ZNF354B: variants seen among roughly 807,000 people sequenced by gnomAD.
ZNF354B encodes the protein zinc finger protein 354B.
A neutral mutation model predicts 12.9 loss-of-function variants in ZNF354B; 10 were observed. That is an observed-to-expected ratio of 0.77 (90% CI 0.48 to 1.31). The LOEUF (loss-of-function observed/expected upper bound fraction) is 1.31. ZNF354B is among the 40% of genes most tolerant of loss of function. The pLI is 0.00. For synonymous variants in ZNF354B, 260 were observed against 243.7 expected, an observed-to-expected ratio of 1.07 and a Z score of -0.62; for missense variants, 614 against 711.7, an observed-to-expected ratio of 0.86 and a Z score of 1.56.
intron 2 of ZNF354B, among the ~76,000 whole-genome samples, chr5:178,862,498 C>T (rs1006509475): frequency 5.3e-5 from 8 of 151,614 alleles, no homozygotes; most frequent in African/African-American, 1.9e-4. Flanking sequence ...TCCTGAGTAG[C>T]TAGGACTACA....
intron 2 of ZNF354B, among the ~76,000 whole-genome samples, chr5:178,863,714 A>G (rs1307652324): frequency 1.3e-5 from 2 of 152,198 alleles, no homozygotes; most frequent in African/African-American, 4.8e-5. Context: ...CTTTGTTCTC[A>G]TAGGAGATGA....
intron 4 of ZNF354B, among the ~76,000 whole-genome samples, chr5:178,880,053 G>A (rs1757695148): frequency 6.6e-6 from 1 of 152,150 alleles, no homozygotes; most frequent in African/African-American, 2.4e-5. Flanking sequence ...GTGAACCCAG[G>A]AGGTGGAGGT....
At chr5:178,869,178 C>T (rs891107334) in intron 4 of ZNF354B, among the ~76,000 whole-genome samples, 5 of 152,176 alleles carry the variant, frequency 3.3e-5, no homozygotes, top group Non-Finnish European at 5.9e-5. Context: ...ATGTGAGGAA[C>T]CTGACCGCCA....
At chr5:178,880,401 T>G (rs1326586075) in intron 4 of ZNF354B, among the ~76,000 whole-genome samples, 1 of 151,796 alleles carries the variant, frequency 6.6e-6, no homozygotes, top group African/African-American at 2.4e-5. Context: ...GGTTTCACTG[T>G]GTTGGCCAGG....
chr5:178,862,409 C>A (rs1465807520), intron 2 of ZNF354B, among the ~76,000 whole-genome samples: 1 of 147,030 alleles, frequency 6.8e-6, no homozygotes, highest in Non-Finnish European at 1.5e-5. Flanking sequence ...CTCTGTCACC[C>A]AGGCTGGAGT....
At chr5:178,864,929 A>ATT (rs146122044) in intron 2 of ZNF354B, among the ~76,000 whole-genome samples, 10 of 152,018 alleles carry the variant, frequency 6.6e-5, no homozygotes, top group African/African-American at 1.9e-4. Flanking sequence ...GGCCAGAAAC[A>ATT]TTTTTTTGAA....
Position 178,882,718 on chromosome 5 carries a change from G to A in ZNF354B, c.266G>A (p.Ser89Asn). 6.4e-7 allele frequency: 1 copy of A among 1,558,832 alleles called. No individual in the cohort carries two copies. Among genetic ancestry groups the A allele is most frequent in the Non-Finnish European group, 8.6e-7 (1 of 1,162,732 alleles). The change falls in exon 5 of 5, where the codon AGC becomes AAC. Residue 89 changes from serine (S) to asparagine (N), a missense_variant. Physicochemically the swap from Ser to Asn is conservative, Grantham distance 46. Coordinates refer to ENST00000322434, the MANE Select transcript of ZNF354B (RefSeq NM_058230.3). ...SSGVSSLGCKSTPKMTKSTQT... is the reference protein window; with the variant it reads ...SSGVSSLGCKNTPKMTKSTQT... ...TTTTTTCTTTTTTCAGGATGTAAGA[G>A]CACACCTAAAATGACAAAGTCAACT...
At chr5:178,860,296 C>T (rs1406286445) in intron 1 of ZNF354B, among the ~76,000 whole-genome samples, 169 bp downstream of exon 1, 1 of 151,924 alleles carries the variant, frequency 6.6e-6, no homozygotes, top group Non-Finnish European at 1.5e-5. Context: ...GCTCCGGTGC[C>T]GCTGCCGACG....
intron 4 of ZNF354B, among the ~76,000 whole-genome samples, chr5:178,880,724 G>C (rs1757704465): frequency 6.6e-6 from 1 of 151,716 alleles, no homozygotes; most frequent in Non-Finnish European, 1.5e-5. Flanking sequence ...CGAACTCCTA[G>C]GCTCAAGGGA....
intron 4 of ZNF354B, among the ~76,000 whole-genome samples, chr5:178,871,527 G>A (rs1200442809): frequency 2.0e-5 from 3 of 152,268 alleles, no homozygotes; most frequent in East Asian, 1.9e-4. Flanking sequence ...TTCATGATCT[G>A]TCTCTGCCTC....
Position 178,882,815 on chromosome 5 carries a change from A to G in ZNF354B, c.363A>G (p.Ser121=), listed in dbSNP as rs1757739225. 6 of 1,604,986 alleles carry G rather than the reference A, an allele frequency of 3.7e-6. No homozygotes were observed. The highest frequency in any genetic ancestry group is 5.1e-6 in the Non-Finnish European group (6 of 1,178,018). ...GGGATGAACCCTGGAACTTCATATC[A>G]GAAAGATCCTGCATATATGAAGAGA... The part of the protein sequence containing the change: ...LKRDEPWNFI[S]ERSCIYEEKL... Residue 121 remains serine, a synonymous_variant, in exon 5 of 5, where the codon TCA becomes TCG. Transcript: ENST00000322434.
intron 4 of ZNF354B, among the ~76,000 whole-genome samples, chr5:178,878,349 C>T (rs186748487): frequency 4.6e-5 from 7 of 151,454 alleles, no homozygotes; most frequent in Admixed American, 3.3e-4. Context: ...TGCCACTGTG[C>T]TCCAGCCTGG....
At chr5:178,860,343 G>T (rs570807022) in intron 1 of ZNF354B, among the ~76,000 whole-genome samples, 2 of 141,176 alleles carry the variant, frequency 1.4e-5, no homozygotes, top group African/African-American at 5.1e-5. Context: ...CCGTGAACGC[G>T]GGGCCAGGCG....
chr5:178,877,286 C>T (rs1757652650), intron 4 of ZNF354B, among the ~76,000 whole-genome samples: 1 of 152,158 alleles, frequency 6.6e-6, no homozygotes, highest in African/African-American at 2.4e-5. Flanking sequence ...TCTTCTGCCT[C>T]AGCCTCCTGA....
chr5:178,863,260 A>G (rs964751262), intron 2 of ZNF354B, among the ~76,000 whole-genome samples: 1 of 152,220 alleles, frequency 6.6e-6, no homozygotes, highest in Non-Finnish European at 1.5e-5. Flanking sequence ...ATGTGTGTGT[A>G]TATATATGTA....
Position 178,883,565 on chromosome 5 carries a change from T to C in ZNF354B, c.1113T>C (p.Tyr371=). ...NTFKSSSSLR[Y]HQRIHTGEKP... is the part of the protein sequence containing the mutation. ...TTAAGTCTAGCTCATCCCTTCGTTA[T>C]CATCAGAGAATTCACACTGGAGAGA... The change falls in exon 5 of 5, where the codon TAT becomes TAC. Residue 371 remains tyrosine, a synonymous_variant. Coordinates refer to ENST00000322434, the MANE Select transcript of ZNF354B (RefSeq NM_058230.3). 2 of 1,613,954 alleles carry C rather than the reference T, an allele frequency of 1.2e-6. No individual in the cohort carries two copies. The highest frequency in any genetic ancestry group is 1.7e-6 in the Non-Finnish European group (2 of 1,179,908).
intron 4 of ZNF354B, among the ~76,000 whole-genome samples, chr5:178,873,054 C>G (rs959879900): frequency 6.6e-6 from 1 of 152,188 alleles, no homozygotes; most frequent in Non-Finnish European, 1.5e-5. Context: ...TCCCAGAGTG[C>G]TGGGCTTACA....
At chr5:178,866,028 C>A (rs957599513) in intron 2 of ZNF354B, among the ~76,000 whole-genome samples, 1 of 152,182 alleles carries the variant, frequency 6.6e-6, no homozygotes, top group African/African-American at 2.4e-5. Flanking sequence ...ATTCCTCTAC[C>A]CATTTCTTAC....
At chr5:178,876,926 C>T (rs577517897) in intron 4 of ZNF354B, among the ~76,000 whole-genome samples, 2 of 124,504 alleles carry the variant, frequency 1.6e-5, no homozygotes, top group Non-Finnish European at 3.5e-5. Context: ...TTTTTTTATG[C>T]CTTTTTTTTT....
Sources: gnomAD v4.1 joint callset for allele counts (sites outside exome capture counted in the v4.1 genomes callset) on GRCh38, gnomAD v4.1.1 for gene constraint, MANE v1.5 for transcripts, NCBI Gene and HGNC (gene_info 2026-07-23, HGNC 2026-07-21) for gene names.